Variants in BLTP1 observed in about 807,000 individuals in gnomAD.
BLTP1 encodes fragile site-associated protein.
At chr4:122,351,476 T>C in the BLTP1 span, among the ~76,000 whole-genome samples, 1 of 152,200 alleles carries the variant, frequency 6.6e-6, no homozygotes, top group Admixed American at 6.5e-5. Flanking sequence ...CAAATTTCCA[T>C]GATTGATCTA....
chr4:122,343,658 A>G, the BLTP1 span: 1 of 1,574,032 alleles, frequency 6.4e-7, no homozygotes, highest in Non-Finnish European at 8.7e-7. Flanking sequence ...GCATCTTTTC[A>G]AGCTTTCAAG....
the BLTP1 span, chr4:122,180,147 AT>A: frequency 1.0e-6 from 1 of 985,266 alleles, no homozygotes; most frequent in Non-Finnish European, 1.2e-6. Context: ...AAGGAGGTAA[AT>A]AAATAGTAGA....
chr4:122,234,809 T>C, the BLTP1 span: 1 of 1,613,628 alleles, frequency 6.2e-7, no homozygotes, highest in Non-Finnish European at 8.5e-7. Context: ...TCCTGAAGAA[T>C]AAGAGGTGTA....
chr4:122,332,768 C>T, the BLTP1 span, among the ~76,000 whole-genome samples: 1,869 of 136,286 alleles, frequency 0.014, 39 homozygotes, highest in African/African-American at 0.049. Flanking sequence ...TCTCCCAATG[C>T]TATCCCTCCC....
At chr4:122,334,215 C>G in the BLTP1 span, 2 of 899,338 alleles carry the variant, frequency 2.2e-6, no homozygotes, top group Admixed American at 5.8e-5. Flanking sequence ...GCCAGGATCA[C>G]AAAGCTAACT....
At chr4:122,204,437 A>T in the BLTP1 span, 2 of 831,652 alleles carry the variant, frequency 2.4e-6, no homozygotes, top group East Asian at 2.5e-4. Context: ...GGTAGCTGTT[A>T]TTACTATCCC....
chr4:122,156,484 A>T, the BLTP1 span, among the ~76,000 whole-genome samples: 2 of 152,328 alleles, frequency 1.3e-5, no homozygotes, highest in African/African-American at 2.4e-5. Context: ...ATCAAATAGG[A>T]TGAGGACAAC....
the BLTP1 span, chr4:122,244,070 G>C: frequency 6.6e-7 from 1 of 1,516,254 alleles, no homozygotes; most frequent in Non-Finnish European, 8.8e-7. Flanking sequence ...TTTATACAAT[G>C]ATTACTCTGT....
At chr4:122,359,666 T>G in the BLTP1 span, 1 of 1,612,720 alleles carries the variant, frequency 6.2e-7, no homozygotes, top group Non-Finnish European at 8.5e-7. Context: ...TCACTTATAC[T>G]ACTGTGGACT....
the BLTP1 span, chr4:122,266,939 A>G: frequency 1.6e-5 from 26 of 1,585,434 alleles, no homozygotes; most frequent in Non-Finnish European, 2.1e-5. Context: ...CAAAGAGAGA[A>G]AAGGCAAAAG....
At chr4:122,328,257 C>G in the BLTP1 span, 3 of 1,610,588 alleles carry the variant, frequency 1.9e-6, no homozygotes. Flanking sequence ...TGAAGAGGGC[C>G]GACGGGATGA....
the BLTP1 span, chr4:122,263,230 C>T: frequency 1.0e-6 from 1 of 985,052 alleles, no homozygotes; most frequent in Non-Finnish European, 1.2e-6. Context: ...GGGGTACTGT[C>T]TAGACCAGCA....
the BLTP1 span, chr4:122,266,833 A>G: frequency 8.1e-6 from 13 of 1,610,582 alleles, no homozygotes; most frequent in East Asian, 2.5e-4. Context: ...CACAGGATAC[A>G]ATGCCATTCT....
chr4:122,228,376 T>A, the BLTP1 span, among the ~76,000 whole-genome samples: 7 of 152,164 alleles, frequency 4.6e-5, no homozygotes, highest in African/African-American at 9.7e-5. Flanking sequence ...CTTAGAAAAT[T>A]CCTTTGTGTG....
chr4:122,328,137 G>A, the BLTP1 span: 9 of 1,606,706 alleles, frequency 5.6e-6, no homozygotes, highest in Non-Finnish European at 7.7e-6. Flanking sequence ...CCTTTTGTCA[G>A]TAACCATTGA....
chr4:122,291,861 T>C, the BLTP1 span: 2 of 971,318 alleles, frequency 2.1e-6, no homozygotes, highest in Non-Finnish European at 1.2e-6. Context: ...GAGCTTTTGC[T>C]TTTAAATTTT....
chr4:122,174,524 T>TAG, the BLTP1 span: 2 of 1,593,572 alleles, frequency 1.3e-6, no homozygotes, highest in Non-Finnish European at 1.7e-6. Context: ...AGGGCCCTAC[T>TAG]GTCTGTTAAA....
At chr4:122,198,516 G>A in the BLTP1 span, 3 of 863,848 alleles carry the variant, frequency 3.5e-6, no homozygotes, top group South Asian at 5.3e-5. Flanking sequence ...TATTTTTACT[G>A]TTTTATGCAG....
the BLTP1 span, chr4:122,325,724 G>A: frequency 3.6e-6 from 3 of 836,588 alleles, no homozygotes; most frequent in Non-Finnish European, 5.0e-6. Context: ...CTTCAAAGTT[G>A]TATTCTAATT....
Sources: gnomAD v4.1 joint callset for allele counts (sites outside exome capture counted in the v4.1 genomes callset) on GRCh38, gnomAD v4.1.1 for gene constraint, MANE v1.5 for transcripts, NCBI Gene and HGNC (gene_info 2026-07-23, HGNC 2026-07-21) for gene names.